AZIN2: variants seen among roughly 807,000 people sequenced by gnomAD.
AZIN2 encodes the protein antizyme inhibitor 2.
In AZIN2, 28 loss-of-function variants were observed where a neutral mutation model predicts 47.8. The observed-to-expected ratio is 0.59, with a 90% CI of 0.43 to 0.80. AZIN2 has a LOEUF of 0.80. Ranked by LOEUF, AZIN2 falls within the 30% of genes least tolerant of loss-of-function variation. The pLI is 0.00. For missense variants in AZIN2, 535 were observed against 582.5 expected, an observed-to-expected ratio of 0.92 and a Z score of 0.84; for synonymous variants, 221 against 239.4, an observed-to-expected ratio of 0.92 and a Z score of 0.71.
intron 5 of AZIN2, among the ~76,000 whole-genome samples, chr1:33,084,479 A>G (rs1043152585): frequency 1.4e-5 from 2 of 138,952 alleles, no homozygotes; most frequent in African/African-American, 6.2e-5. Context: ...TTATAATCAT[A>G]ATAATGTGTG....
At chr1:33,162,080 G>T in the AZIN2 span, among the ~76,000 whole-genome samples, 1 of 152,110 alleles carries the variant, frequency 6.6e-6, no homozygotes, top group East Asian at 1.9e-4. Flanking sequence ...AACTCACTTG[G>T]TCTACAAGTC....
intron 7 of AZIN2, 45 bp downstream of exon 7, chr1:33,093,461 C>T: frequency 6.3e-7 from 1 of 1,596,850 alleles, no homozygotes; most frequent in Non-Finnish European, 8.5e-7. Context: ...ACCAGGCTCC[C>T]TGCCTCTTTC....
intron 10 of AZIN2, among the ~76,000 whole-genome samples, chr1:33,115,713 T>TA (rs1489529498): frequency 6.6e-5 from 10 of 152,112 alleles, no homozygotes; most frequent in Non-Finnish European, 1.5e-4. Flanking sequence ...AAAAAAAAGT[T>TA]AAATAGATAC....
At chr1:33,159,649 G>A in the AZIN2 span, 2 of 1,580,988 alleles carry the variant, frequency 1.3e-6, no homozygotes, top group South Asian at 1.1e-5. This position sits in a 1 kb window ranked among gnomAD's most constrained non-coding sequence, Gnocchi z 4.2. Context: ...TCGAGGAGGG[G>A]ATGGTCAGCC....
At chr1:33,117,823 T>C (rs1644621852) in intron 10 of AZIN2, 79 bp from the exon 11 acceptor site, 2 of 1,500,272 alleles carry the variant, frequency 1.3e-6, no homozygotes, top group African/African-American at 1.4e-5. Flanking sequence ...ATGGGAGCCA[T>C]AGAAGGCTTT....
chr1:33,127,502 G>T (rs1644865366), downstream of AZIN2, among the ~76,000 whole-genome samples: 1 of 152,248 alleles, frequency 6.6e-6, no homozygotes, highest in African/African-American at 2.4e-5. Flanking sequence ...CGAGGGCGGG[G>T]CTCTCACGGG....
chr1:33,115,312 C>A (rs1644488871), intron 10 of AZIN2, among the ~76,000 whole-genome samples: 1 of 152,112 alleles, frequency 6.6e-6, no homozygotes, highest in African/African-American at 2.4e-5. Flanking sequence ...TGGATTTTTG[C>A]AGATGCTTGT....
intron 10 of AZIN2, among the ~76,000 whole-genome samples, chr1:33,102,831 G>A (rs766927929): frequency 3.3e-5 from 5 of 152,156 alleles, no homozygotes; most frequent in Non-Finnish European, 7.4e-5. Context: ...GGATTTCACA[G>A]ACATCTCAAG....
chr1:33,110,732 A>C lies in AZIN2; in HGVS notation c.1030-7170A>C, dbSNP rs372113237. On this transcript the variant is annotated intron_variant, in intron 10 of 11. Transcript: ENST00000294517. ...ATAGGAAAGGCTAAGGAAATGGTGC[A>C]TAGAGTCAGAAGGCATAATGTCCAA... Among the ~76,000 whole-genome samples the C allele has an allele frequency of 3.3e-5, 5 of 152,374 alleles. No homozygotes were observed. In the East Asian group the frequency reaches 7.7e-4, roughly 23 times the overall value.
chr1:33,111,785 A>C (rs1052662024), intron 10 of AZIN2, among the ~76,000 whole-genome samples: 3 of 151,790 alleles, frequency 2.0e-5, no homozygotes, highest in Non-Finnish European at 4.4e-5. Context: ...TATTTTTTTT[A>C]GTAGAGGTGG....
chr1:33,154,037 G>A, the AZIN2 span, among the ~76,000 whole-genome samples: 1 of 152,218 alleles, frequency 6.6e-6, no homozygotes, highest in African/African-American at 2.4e-5. Context: ...AGATGCCAAG[G>A]AGAGTAAGAG....
rs1272047492 is a variant in AZIN2, at chr1:33,121,600, A to G, written c.*1418A>G. Among the ~76,000 whole-genome samples the G allele has an allele frequency of 6.6e-6, 1 of 152,190 alleles. No homozygotes were observed. The highest frequency in any genetic ancestry group is 1.5e-5 in the Non-Finnish European group (1 of 68,018). On this transcript the variant is annotated 3_prime_UTR_variant, in exon 12 of 12. Coordinates refer to ENST00000294517, the MANE Select transcript of AZIN2 (RefSeq NM_052998.4). ...CTCAAATAAAGAAATAAATAAATAA[A>G]GTGGAGAAGTTAGTGGTTTCTGGTG...
At chr1:33,108,487 C>T (rs1644129735) in intron 10 of AZIN2, among the ~76,000 whole-genome samples, 1 of 151,998 alleles carries the variant, frequency 6.6e-6, no homozygotes, top group Admixed American at 6.6e-5. Flanking sequence ...GGATTACAGA[C>T]ATGTGCCATC....
chr1:33,092,488 G>T (rs1396674388), intron 6 of AZIN2, among the ~76,000 whole-genome samples: 1 of 152,206 alleles, frequency 6.6e-6, no homozygotes, highest in African/African-American at 2.4e-5. Flanking sequence ...GAAATAACTG[G>T]TTAAAGCCCT....
chr1:33,165,220 GC>G, the AZIN2 span: 1 of 385,196 alleles, frequency 2.6e-6, no homozygotes, highest in African/African-American at 2.1e-5. The surrounding 1 kb of genome is among the most constrained non-coding windows in gnomAD (Gnocchi z 4.0). Context: ...GGGAGAAATG[GC>G]CCCGTCCTTA....
At chr1:33,138,626 C>CAAAAAAAA in the AZIN2 span, among the ~76,000 whole-genome samples, 15 of 66,060 alleles carry the variant, frequency 2.3e-4, no homozygotes, top group African/African-American at 4.7e-4. Context: ...ACAACAACAA[C>CAAAAAAAA]AAAAAAAAAA....
chr1:33,089,217 G>A (rs530538862), intron 5 of AZIN2, among the ~76,000 whole-genome samples: 2 of 152,168 alleles, frequency 1.3e-5, no homozygotes, highest in Non-Finnish European at 2.9e-5. Flanking sequence ...AAGATTATTA[G>A]TAAGGTTAAA....
chr1:33,144,586 A>T, the AZIN2 span, among the ~76,000 whole-genome samples: 1 of 152,236 alleles, frequency 6.6e-6, no homozygotes, highest in South Asian at 2.1e-4. Flanking sequence ...AGGCCTGTCT[A>T]TAGTACTCAG....
chr1:33,136,224 T>G, the AZIN2 span, among the ~76,000 whole-genome samples: 1 of 150,082 alleles, frequency 6.7e-6, no homozygotes, highest in Admixed American at 6.6e-5. Flanking sequence ...CCTTCCCTCC[T>G]TTCTTTCTCT....
Sources: gnomAD v4.1 joint callset for allele counts (sites outside exome capture counted in the v4.1 genomes callset) on GRCh38, gnomAD v4.1.1 for gene constraint, Gnocchi (gnomAD v3.1) non-coding constraint, MANE v1.5 for transcripts, NCBI Gene and HGNC (gene_info 2026-07-23, HGNC 2026-07-21) for gene names.